CP: variants seen among roughly 807,000 people sequenced by gnomAD.
The protein encoded by CP is caeruloplasmin.
Under a neutral mutation model 122.4 loss-of-function variants are expected in CP, and 64 were observed. The observed-to-expected ratio is 0.52, with a 90% CI of 0.43 to 0.64. The LOEUF is 0.64. Among genes scored for constraint, CP ranks in the 30% least tolerant of loss-of-function variants. The pLI is 0.00. For missense variants in CP, 1,167 were observed against 1,284.4 expected (o/e 0.91, Z 1.40); for synonymous variants, 440 against 436.4 (o/e 1.01, Z -0.10).
chr3:149,188,338 G>T, intron 9 of CP, 136 bp from the exon 10 acceptor site: 2 of 713,808 alleles, frequency 2.8e-6, no homozygotes, highest in Non-Finnish European at 2.3e-6. Flanking sequence ...TTGTAAACTA[G>T]GGTTCCTGAA....
chr3:149,184,024 A>AT (rs1725970613), intron 12 of CP, among the ~76,000 whole-genome samples: 1 of 70,070 alleles, frequency 1.4e-5, no homozygotes, highest in Admixed American at 1.6e-4. Context: ...CTTTTCACTT[A>AT]CTTCTTTTTT....
rs1576765453 is a variant in CP, at chr3:149,201,990, C to T, written c.1348+112G>A. The T allele has an allele frequency of 1.4e-5, 19 of 1,352,556 alleles. No individual in the cohort carries two copies. In the South Asian group the frequency reaches 2.2e-4, roughly 15 times the overall value. 83.8% of individuals were successfully genotyped at this position (1,352,556 alleles called of 1,614,324 possible). A position where few individuals can be genotyped will look rare whatever the true frequency, so the allele number is the denominator to read the frequency against. On this transcript the variant is annotated intron_variant, in intron 7 of 18. Coordinates refer to ENST00000264613, the MANE Select transcript of CP (RefSeq NM_000096.4). ...ATTTTATTGTTTTATCTTCCACACG[C>T]CTACTTAACACATAGAAATCATGCA...
At chr3:149,220,850 T>A (rs979106037) in intron 1 of CP, among the ~76,000 whole-genome samples, 1 of 152,188 alleles carries the variant, frequency 6.6e-6, no homozygotes, top group Non-Finnish European at 1.5e-5. Flanking sequence ...GTGGTTAATG[T>A]TTAATTAACA....
chr3:149,179,514 C>T, intron 15 of CP, 42 bp downstream of exon 15: 2 of 1,398,086 alleles, frequency 1.4e-6, no homozygotes, highest in Non-Finnish European at 2.0e-6. Flanking sequence ...AATTGTGTGT[C>T]TATTTTGGGA....
intron 7 of CP, chr3:149,200,125 A>G (rs1727200703): frequency 1.3e-5 from 6 of 458,530 alleles, no homozygotes; most frequent in Non-Finnish European, 2.0e-5. Context: ...AGTAAGCTTT[A>G]CACATCTACA....
chr3:149,208,583 T>C (rs913489584), intron 4 of CP, among the ~76,000 whole-genome samples: 3 of 152,186 alleles, frequency 2.0e-5, no homozygotes, highest in African/African-American at 7.2e-5. Flanking sequence ...TAAACGAAAA[T>C]ATCTACTTAT....
chr3:149,186,652 C>T lies in CP; in HGVS notation c.1945G>A (p.Ala649Thr), dbSNP rs141466225. ...CCATGTACATCGGCCTCATTTCCGG[C>T]GCTGAATAAGTACCACACGACCGAA... Reference protein sequence around the residue: ...GDSVVWYLFSAGNEADVHGIY... With the variant: ...GDSVVWYLFSTGNEADVHGIY... Residue 649 changes from alanine (A) to threonine (T), a missense_variant, in exon 11 of 19, where the codon GCC (alanine) becomes ACC (threonine). Ala to Thr is a moderately conservative substitution (Grantham distance 58). Around this residue, in one of 2 missense-constraint regions of CP, gnomAD observed 525 missense variants for 657.2 expected, o/e 0.80. Transcript: ENST00000264613. 540 of 1,614,128 alleles carry T rather than the reference C, an allele frequency of 3.3e-4. 1 individual carries two copies. The African/African-American group carries it at 5.8e-3, about 17-fold the overall frequency.
exon 6 of CP, chr3:149,162,612 T>G (rs1307761897): frequency 3.5e-6 from 5 of 1,431,388 alleles, no homozygotes; most frequent in Non-Finnish European, 4.9e-6. Flanking sequence ...CATGTGATGC[T>G]GTGATATTCA....
chr3:149,219,911 T>C (rs1728700022), intron 1 of CP, among the ~76,000 whole-genome samples: 1 of 152,014 alleles, frequency 6.6e-6, no homozygotes, highest in African/African-American at 2.4e-5. Context: ...TGCTCCTCCT[T>C]TGCCTTCCAC....
At chr3:149,185,565 A>C (rs1445640694) in intron 11 of CP, 119 bp from the exon 12 acceptor site, 1 of 874,798 alleles carries the variant, frequency 1.1e-6, no homozygotes, top group Non-Finnish European at 1.8e-6. Flanking sequence ...AGCTTTCCAC[A>C]CCTTCTGCTC....
intron 9 of CP, among the ~76,000 whole-genome samples, chr3:149,188,430 T>A (rs541766366): frequency 3.0e-5 from 4 of 131,838 alleles, no homozygotes; most frequent in Non-Finnish European, 6.1e-5. Flanking sequence ...AGTCTCTCTC[T>A]GCATCTAAAA....
In CP at chr3:149,163,969, T is replaced by A; in HGVS notation, c.*14-1094A>T. 8.4e-7 allele frequency: 1 copy of A among 1,184,790 alleles called. No individual in the cohort carries two copies. Among genetic ancestry groups the A allele is most frequent in the African/African-American group, 1.5e-5 (1 of 67,268 alleles). 73.4% of individuals were successfully genotyped at this position (1,184,790 alleles called of 1,614,324 possible). On this transcript the variant is annotated intron_variant, in intron 5 of 5. Transcript: ENST00000479771. ...TTACAGGTAAGTAAAAATACCTCCT[T>A]TTCTTATGAAATTGCATATTACAAT...
chr3:149,206,122 C>CG lies in CP; in HGVS notation c.1208+45dup, dbSNP rs771546746. On this transcript the variant is annotated intron_variant, in intron 6 of 18. Coordinates refer to ENST00000264613, the MANE Select transcript of CP (RefSeq NM_000096.4). The stretch of plus-strand genomic sequence containing the variant: ...ATTAGCCTTTTGTAGTTCCTTTGTG[C>CG]GGGGGAGAGCATATTTTGAAATAGT... The CG allele has an allele frequency of 2.5e-6, 4 of 1,573,268 alleles. No homozygotes were observed. The South Asian group carries it at 4.4e-5, about 17-fold the overall frequency.
exon 6 of CP, chr3:149,162,456 C>A: frequency 1.0e-6 from 1 of 960,940 alleles, no homozygotes; most frequent in Non-Finnish European, 1.6e-6. Context: ...CATACATAAT[C>A]AGTTTATAAG....
exon 6 of CP, chr3:149,162,665 A>G (rs1418985351): frequency 6.2e-7 from 1 of 1,612,132 alleles, no homozygotes; most frequent in Admixed American, 1.7e-5. Context: ...TCTGGAATAT[A>G]GAGGCTCCTT....
rs745651564 is a variant in CP at position 149,207,442 on chromosome 3, A to G, written c.957T>C (p.Ala319=). Reference sequence around the variant, plus strand: ...CCACCATATAAGCATCAAACAGGGTAGCAGGAAAGAGGTTGATTGTGTCAA... The same window carrying G: ...CCACCATATAAGCATCAAACAGGGTGGCAGGAAAGAGGTTGATTGTGTCAA... The part of the protein sequence containing the change: ...YRIDTINLFP[A]TLFDAYMVAQ... Residue 319 remains alanine, a synonymous_variant, in exon 5 of 19, where the codon GCT becomes GCC. Transcript: ENST00000264613. 1 of 1,614,058 alleles carries G rather than the reference A, an allele frequency of 6.2e-7. No individual in the cohort carries two copies. The highest frequency in any genetic ancestry group is 1.1e-5 in the South Asian group (1 of 91,086).
intron 4 of CP, among the ~76,000 whole-genome samples, chr3:149,166,367 T>G (rs1447257376): frequency 2.0e-5 from 3 of 152,296 alleles, no homozygotes. Flanking sequence ...CAGGAAGGGG[T>G]GTAAAGAAAA....
chr3:149,162,756 G>C, exon 6 of CP: 1 of 1,613,988 alleles, frequency 6.2e-7, no homozygotes, highest in Non-Finnish European at 8.5e-7. Flanking sequence ...AGCTCAGCTA[G>C]TGGCATGTCT....
chr3:149,167,802 C>A, downstream of CP: 1 of 815,242 alleles, frequency 1.2e-6, no homozygotes. Flanking sequence ...TATTTTTGCT[C>A]TGTGCTTTCC....
Sources: allele counts gnomAD v4.1 joint callset (sites outside exome capture counted in the v4.1 genomes callset), GRCh38; gene constraint gnomAD v4.1.1; regional missense constraint gnomAD v4.1.1; transcripts MANE v1.5; gene names NCBI Gene and HGNC (gene_info 2026-07-23, HGNC 2026-07-21).